The following EYS variants were observed in gnomAD, a reference collection of about 807,000 sequenced individuals.
EYS encodes the protein protein eyes shut homolog.
In EYS, 250 loss-of-function variants were observed where a neutral mutation model predicts 282.1. That is an observed-to-expected ratio of 0.89 (90% CI 0.80 to 0.98). EYS has a LOEUF of 0.98. Among genes scored for constraint, EYS ranks in the 50% least tolerant of loss-of-function variants. EYS has a pLI of 0.00. For synonymous variants in EYS, 1,355 were observed against 1,282.9 expected, an observed-to-expected ratio of 1.06 and a Z score of -1.20; for missense variants, 4,016 against 3,709.0, an observed-to-expected ratio of 1.08 and a Z score of -2.15.
At chr6:64,652,301 A>T (rs945317029) in intron 22 of EYS, among the ~76,000 whole-genome samples, 5 of 152,208 alleles carry the variant, frequency 3.3e-5, no homozygotes, top group Non-Finnish European at 5.9e-5. Context: ...TGAGCTCATT[A>T]AAAACAGTAT....
At chr6:64,114,869 C>T (rs1773322214) in intron 31 of EYS, among the ~76,000 whole-genome samples, 1 of 152,132 alleles carries the variant, frequency 6.6e-6, no homozygotes, top group Non-Finnish European at 1.5e-5. Flanking sequence ...GATGCTGCTT[C>T]CCCTCGCCCA....
At chr6:64,527,479 G>C (rs1777961505) in intron 26 of EYS, among the ~76,000 whole-genome samples, 1 of 151,774 alleles carries the variant, frequency 6.6e-6, no homozygotes, top group Non-Finnish European at 1.5e-5. Context: ...TTATTTCTCT[G>C]ACCATATACA....
chr6:63,978,835 C>T (rs2149788675), intron 35 of EYS, among the ~76,000 whole-genome samples: 1 of 151,850 alleles, frequency 6.6e-6, no homozygotes, highest in Middle Eastern at 3.4e-3. Flanking sequence ...AAACTGAAAA[C>T]CTCAGTAATC....
At chr6:63,738,596 G>C (rs570731751) in intron 41 of EYS, among the ~76,000 whole-genome samples, 3 of 118,458 alleles carry the variant, frequency 2.5e-5, no homozygotes, top group Non-Finnish European at 5.1e-5. Context: ...GTGGGGTGGG[G>C]GGAGGGGGGA....
At chr6:64,408,526 C>T (rs1429038782) in intron 28 of EYS, among the ~76,000 whole-genome samples, 1 of 152,046 alleles carries the variant, frequency 6.6e-6, no homozygotes, top group Non-Finnish European at 1.5e-5. Context: ...AGACTTGAGC[C>T]CCAGCTGGGG....
At chr6:65,649,809 A>T (rs1296443069) in intron 1 of EYS, among the ~76,000 whole-genome samples, 1 of 152,216 alleles carries the variant, frequency 6.6e-6, no homozygotes, top group Non-Finnish European at 1.5e-5. Flanking sequence ...GAGTGGTAAA[A>T]TGACACAGAG....
At chr6:65,406,849 T>A (rs1766765026) in intron 5 of EYS, among the ~76,000 whole-genome samples, 1 of 152,168 alleles carries the variant, frequency 6.6e-6, no homozygotes, top group South Asian at 2.1e-4. Flanking sequence ...ACCAGATAAA[T>A]ACATAATGCA....
intron 12 of EYS, among the ~76,000 whole-genome samples, chr6:65,095,328 C>T (rs1774708410): frequency 6.6e-6 from 1 of 150,710 alleles, no homozygotes; most frequent in Non-Finnish European, 1.5e-5. Context: ...AATTTCAAGA[C>T]ATCTATTATA....
intron 35 of EYS, among the ~76,000 whole-genome samples, chr6:63,970,024 C>T (rs1482445): frequency 0.22 from 32,795 of 152,060 alleles, 3,812 homozygotes; most frequent in Middle Eastern, 0.27. Flanking sequence ...CACACCCAGA[C>T]CCCCGCTACG....
intron 22 of EYS, among the ~76,000 whole-genome samples, chr6:64,653,454 G>A (rs11757908): frequency 0.11 from 16,886 of 152,212 alleles, 1,110 homozygotes; most frequent in East Asian, 0.16. Context: ...TATTAGGCGG[G>A]TTAATACTCA....
intron 11 of EYS, among the ~76,000 whole-genome samples, chr6:65,299,262 A>G (rs1215726652): frequency 2.0e-5 from 3 of 152,072 alleles, no homozygotes; most frequent in African/African-American, 4.8e-5. Context: ...CTGGTCATTT[A>G]CCTTTTTGTT....
chr6:64,198,527 A>G (rs1765367673), intron 31 of EYS, among the ~76,000 whole-genome samples: 1 of 151,974 alleles, frequency 6.6e-6, no homozygotes, highest in South Asian at 2.1e-4. Context: ...CTCCCTGTGT[A>G]CATGGGTTCT....
At chr6:64,515,035 G>T (rs1268058820) in intron 26 of EYS, among the ~76,000 whole-genome samples, 4 of 151,504 alleles carry the variant, frequency 2.6e-5, no homozygotes, top group Admixed American at 2.0e-4. Context: ...TTCCACACAG[G>T]TCTATAGAAT....
intron 26 of EYS, among the ~76,000 whole-genome samples, chr6:64,501,033 T>G (rs1376499869): frequency 2.6e-5 from 4 of 151,538 alleles, no homozygotes; most frequent in Admixed American, 6.6e-5. Context: ...GGAGAGTTTT[T>G]TTTTTTTTTT....
intron 33 of EYS, among the ~76,000 whole-genome samples, chr6:64,019,812 GTGTATATATAAGTATATATATATATA>G (rs1019279880): frequency 8.5e-5 from 12 of 140,762 alleles, no homozygotes; most frequent in South Asian, 2.3e-4. Flanking sequence ...AGATTAGAAT[GTGTATATATAAGTATATATATATATA>G]TGTATATATA....
intron 24 of EYS, among the ~76,000 whole-genome samples, chr6:64,603,300 C>T (rs1217210643): frequency 1.3e-5 from 2 of 152,010 alleles, no homozygotes; most frequent in Non-Finnish European, 2.9e-5. Context: ...CCTACTGCTG[C>T]TCCTCTTCCT....
intron 34 of EYS, among the ~76,000 whole-genome samples, chr6:63,997,494 TA>T (rs1377789454): frequency 6.6e-6 from 1 of 152,182 alleles, no homozygotes; most frequent in Non-Finnish European, 1.5e-5. Flanking sequence ...GGCAGAGTTA[TA>T]AAAGCATGTG....
intron 39 of EYS, among the ~76,000 whole-genome samples, chr6:63,783,401 A>G (rs1040974616): frequency 6.6e-6 from 1 of 152,184 alleles, no homozygotes; most frequent in East Asian, 1.9e-4. Flanking sequence ...ACTCAGGCAC[A>G]TGGTCATGCA....
chr6:64,837,968 A>G (rs193077528), intron 19 of EYS, among the ~76,000 whole-genome samples: 12 of 151,824 alleles, frequency 7.9e-5, no homozygotes, highest in Admixed American at 7.9e-4. Context: ...ATATATGCAT[A>G]TAACAAAACT....
Sources: gnomAD v4.1 joint callset for allele counts (sites outside exome capture counted in the v4.1 genomes callset) on GRCh38, gnomAD v4.1.1 for gene constraint, MANE v1.5 for transcripts, NCBI Gene and HGNC (gene_info 2026-07-23, HGNC 2026-07-21) for gene names.